HSF2BP: variants seen among roughly 807,000 people sequenced by gnomAD.
The protein encoded by HSF2BP is heat shock transcription factor 2 binding protein.
Under a neutral mutation model 35.0 loss-of-function variants are expected in HSF2BP, and 35 were observed. That is an observed-to-expected ratio of 1.00 (90% CI 0.76 to 1.32). HSF2BP has a LOEUF of 1.32. HSF2BP is among the 40% of genes most tolerant of loss of function. HSF2BP has a pLI of 0.00. For synonymous variants in HSF2BP, 114 were observed against 117.4 expected (o/e 0.97, Z 0.18); for missense variants, 326 against 321.7 (o/e 1.01, Z -0.10).
intron 2 of HSF2BP, among the ~76,000 whole-genome samples, chr21:43,657,295 G>T (rs1367646953): frequency 6.6e-6 from 1 of 152,310 alleles, no homozygotes; most frequent in East Asian, 1.9e-4. Flanking sequence ...AGGAGTTGGA[G>T]GCTGCAGTGA....
intron 5 of HSF2BP, among the ~76,000 whole-genome samples, chr21:43,632,226 T>C (rs1232773677): frequency 3.1e-4 from 8 of 26,008 alleles, no homozygotes; most frequent in South Asian, 1.3e-3. Flanking sequence ...CGATCCCACA[T>C]ACACAGGCTC....
chr21:43,603,423 A>T (rs1003103404), intron 7 of HSF2BP, among the ~76,000 whole-genome samples: 2 of 152,204 alleles, frequency 1.3e-5, no homozygotes, highest in African/African-American at 4.8e-5. Context: ...CCATGGCTGA[A>T]TGACTAAGGA....
intron 8 of HSF2BP, among the ~76,000 whole-genome samples, chr21:43,581,983 G>GA (rs2081747066): frequency 2.8e-5 from 4 of 140,534 alleles, no homozygotes; most frequent in Admixed American, 7.0e-5. Flanking sequence ...TGTGGGGGAT[G>GA]AGGGCCTGCT....
At chr21:43,575,239 C>T (rs557106036) in intron 8 of HSF2BP, among the ~76,000 whole-genome samples, 7 of 152,344 alleles carry the variant, frequency 4.6e-5, no homozygotes, top group African/African-American at 1.7e-4. Flanking sequence ...GAAAACACGA[C>T]GCTCCACTGG....
intron 8 of HSF2BP, among the ~76,000 whole-genome samples, chr21:43,589,380 T>C (rs73908338): frequency 0.013 from 1,953 of 152,306 alleles, 43 homozygotes; most frequent in African/African-American, 0.043. Context: ...TGAAGACATA[T>C]ACTTGTGTTC....
intron 6 of HSF2BP, 105 bp from the exon 7 acceptor site, chr21:43,614,052 A>G (rs2082241775): frequency 1.3e-6 from 1 of 794,770 alleles, no homozygotes; most frequent in Non-Finnish European, 2.1e-6. Flanking sequence ...ATGAAAACAC[A>G]GCTGAAAATG....
chr21:43,572,450 A>G lies in HSF2BP; in HGVS notation c.796+19775T>C, dbSNP rs139430694. ...CTGGGGCAAGACGCACCCTCAGGAA[A>G]GCAGGTGAGGGAGAAACAGAGGTGT... On this transcript the variant is annotated intron_variant, in intron 8 of 8. Coordinates refer to ENST00000291560, the MANE Select transcript of HSF2BP (RefSeq NM_007031.2). Among the ~76,000 whole-genome samples, 78 of 152,362 alleles carry G rather than the reference A, an allele frequency of 5.1e-4. No homozygotes were observed. The East Asian group carries it at 0.015, about 29-fold the overall frequency.
At chr21:43,650,276 G>T (rs1475741288) in intron 3 of HSF2BP, among the ~76,000 whole-genome samples, 2 of 151,834 alleles carry the variant, frequency 1.3e-5, no homozygotes, top group Non-Finnish European at 2.9e-5. Flanking sequence ...GTGCGATCTC[G>T]GCTCACTGCA....
chr21:43,628,637 G>A lies in HSF2BP; in HGVS notation c.574+1685C>T, dbSNP rs553608939. 1.3e-3 allele frequency among the ~76,000 whole-genome samples: 191 copies of A among 152,356 alleles called. 1 individual carries two copies. The highest frequency in any genetic ancestry group is 4.6e-3 in the South Asian group (22 of 4,826). On this transcript the variant is annotated intron_variant, in intron 6 of 8. Coordinates refer to ENST00000291560, the MANE Select transcript of HSF2BP (RefSeq NM_007031.2). Reference sequence around the variant, plus strand: ...AGAAGATCTAGCTAAGATCACTGCCGAGGGTGGTTACACTAAACAAGAGAT... The same window carrying A: ...AGAAGATCTAGCTAAGATCACTGCCAAGGGTGGTTACACTAAACAAGAGAT...
chr21:43,575,480 C>T (rs1219179658), intron 8 of HSF2BP, among the ~76,000 whole-genome samples: 1 of 152,182 alleles, frequency 6.6e-6, no homozygotes. Flanking sequence ...GACAAACTGC[C>T]GGCCTGATTC....
At chr21:43,621,097 TGAGTG>T (rs1187339318) in intron 6 of HSF2BP, among the ~76,000 whole-genome samples, 1 of 152,222 alleles carries the variant, frequency 6.6e-6, no homozygotes, top group African/African-American at 2.4e-5. Flanking sequence ...TCAACTTAAA[TGAGTG>T]TACCCCAAGG....
At chr21:43,580,738 T>C (rs1215787114) in intron 8 of HSF2BP, among the ~76,000 whole-genome samples, 1 of 152,254 alleles carries the variant, frequency 6.6e-6, no homozygotes, top group Admixed American at 6.5e-5. Context: ...AACATTCACA[T>C]GTAAAATTCT....
chr21:43,650,771 G>C (rs1349516978), intron 3 of HSF2BP, among the ~76,000 whole-genome samples: 1 of 133,152 alleles, frequency 7.5e-6, no homozygotes, highest in Non-Finnish European at 1.5e-5. Context: ...GCAGTGGCAT[G>C]ATCTGAGCTC....
chr21:43,595,529 G>A (rs750394083), intron 7 of HSF2BP, among the ~76,000 whole-genome samples: 9 of 151,568 alleles, frequency 5.9e-5, no homozygotes, highest in Non-Finnish European at 1.0e-4. Flanking sequence ...ATGATGGCAC[G>A]CCCCTGTGGT....
At chr21:43,635,617 A>G (rs571644332) in intron 4 of HSF2BP, among the ~76,000 whole-genome samples, 11 of 152,304 alleles carry the variant, frequency 7.2e-5, no homozygotes, top group African/African-American at 2.6e-4. Flanking sequence ...AAAAAAAATA[A>G]TTCAAAATGA....
chr21:43,651,550 A>C (rs1319756313), intron 3 of HSF2BP, among the ~76,000 whole-genome samples: 2 of 152,194 alleles, frequency 1.3e-5, no homozygotes, highest in African/African-American at 2.4e-5. Context: ...AAAAAACGTC[A>C]TTTTGATCAC....
intron 6 of HSF2BP, among the ~76,000 whole-genome samples, chr21:43,625,848 C>T (rs1205906870): frequency 2.0e-5 from 3 of 152,178 alleles, no homozygotes; most frequent in Non-Finnish European, 4.4e-5. Flanking sequence ...CCGCGCTGAG[C>T]TTGAATGCTG....
rs1267688272 is a variant in HSF2BP, at chr21:43,601,489, C to A, written c.693-9161G>T. On this transcript the variant is annotated intron_variant, in intron 7 of 8. Transcript: ENST00000291560. ...TTGTGTATTTGGTTATTTGCCTTTT[C>A]CTTATTGAAAAGGCCAAATAAGCAA... 4.6e-5 allele frequency among the ~76,000 whole-genome samples: 7 copies of A among 152,002 alleles called. No homozygotes were observed. In the East Asian group the frequency reaches 1.2e-3, roughly 25 times the overall value.
chr21:43,627,794 C>T (rs1393049666), intron 6 of HSF2BP, among the ~76,000 whole-genome samples: 4 of 152,242 alleles, frequency 2.6e-5, no homozygotes, highest in East Asian at 1.9e-4. Context: ...TGTGGCAACC[C>T]TACATTGAGC....
Sources: allele counts gnomAD v4.1 joint callset (sites outside exome capture counted in the v4.1 genomes callset), GRCh38; gene constraint gnomAD v4.1.1; transcripts MANE v1.5; gene names NCBI Gene and HGNC (gene_info 2026-07-23, HGNC 2026-07-21).